The following FILIP1L variants were observed in gnomAD, a reference collection of about 807,000 sequenced individuals.
FILIP1L encodes filamin A-interacting protein 1-like.
In FILIP1L, 55 loss-of-function variants were observed where a neutral mutation model predicts 96.6. The observed-to-expected ratio is 0.57, with a 90% CI of 0.46 to 0.71. The LOEUF (loss-of-function observed/expected upper bound fraction) is 0.71. Among genes scored for constraint, FILIP1L ranks in the 30% least tolerant of loss-of-function variants. The probability of loss-of-function intolerance (pLI) is 0.00; values close to 1 mark genes in which losing one functional copy is unlikely to be tolerated. For missense variants in FILIP1L, 1,304 were observed against 1,321.2 expected, an observed-to-expected ratio of 0.99 and a Z score of 0.20; for synonymous variants, 467 against 473.9, an observed-to-expected ratio of 0.99 and a Z score of 0.19.
At chr3:100,002,065 G>C (rs1471718362) in intron 1 of FILIP1L, among the ~76,000 whole-genome samples, 1 of 152,182 alleles carries the variant, frequency 6.6e-6, no homozygotes, top group Non-Finnish European at 1.5e-5. Context: ...ACTGTTTGCA[G>C]CTCTGGAAAA....
chr3:99,926,604 A>G (rs1707300657), intron 3 of FILIP1L, among the ~76,000 whole-genome samples: 1 of 152,234 alleles, frequency 6.6e-6, no homozygotes, highest in South Asian at 2.1e-4. Flanking sequence ...ATTTGTCACA[A>G]GATTGACATT....
intron 4 of FILIP1L, among the ~76,000 whole-genome samples, chr3:99,891,722 A>G (rs1305098563): frequency 6.6e-6 from 1 of 152,162 alleles, no homozygotes; most frequent in Non-Finnish European, 1.5e-5. Flanking sequence ...AAATTAAGAA[A>G]TGGAGTTTTA....
intron 3 of FILIP1L, chr3:99,925,844 GC>G: frequency 1.0e-6 from 1 of 985,418 alleles, no homozygotes; most frequent in South Asian, 4.7e-5. Flanking sequence ...GAGTTAGACA[GC>G]CAAGCTCACT....
intron 5 of FILIP1L, among the ~76,000 whole-genome samples, chr3:99,846,154 C>T (rs546253211): frequency 1.3e-5 from 2 of 152,184 alleles, no homozygotes; most frequent in Admixed American, 6.5e-5. Context: ...CTTCCCTCCC[C>T]CCGTCCCCCA....
chr3:99,862,267 A>G (rs1944302178), intron 4 of FILIP1L, among the ~76,000 whole-genome samples: 1 of 152,224 alleles, frequency 6.6e-6, no homozygotes, highest in Admixed American at 6.5e-5. Context: ...ATTGGAAAAA[A>G]AAGTAGGACA....
intron 4 of FILIP1L, among the ~76,000 whole-genome samples, chr3:99,877,285 C>CAT (rs1705567745): frequency 6.6e-6 from 1 of 152,180 alleles, no homozygotes; most frequent in African/African-American, 2.4e-5. Context: ...TTATGATGTA[C>CAT]ATATGTCTGT....
intron 2 of FILIP1L, 24 bp downstream of exon 2, chr3:99,930,745 G>A (rs1707451054): frequency 5.0e-6 from 8 of 1,608,500 alleles, no homozygotes; most frequent in South Asian, 1.1e-5. Context: ...GAAGCATGAT[G>A]GGGATAACTC....
At chr3:99,886,071 G>A (rs1276433991) in intron 4 of FILIP1L, among the ~76,000 whole-genome samples, 1 of 152,214 alleles carries the variant, frequency 6.6e-6, no homozygotes, top group Non-Finnish European at 1.5e-5. Context: ...TCTATATCAA[G>A]GAAGGTGGAA....
chr3:99,880,586 G>A (rs939524299), intron 4 of FILIP1L, among the ~76,000 whole-genome samples: 5 of 152,154 alleles, frequency 3.3e-5, no homozygotes, highest in African/African-American at 1.2e-4. Flanking sequence ...GTGTCCATGT[G>A]ATGCTAGGGA....
At chr3:100,029,846 A>G (rs572514116) in intron 1 of FILIP1L, among the ~76,000 whole-genome samples, 134 of 152,350 alleles carry the variant, frequency 8.8e-4, no homozygotes, top group Non-Finnish European at 1.4e-3. Flanking sequence ...ATAACATTCT[A>G]GGAGATGTCA....
intron 1 of FILIP1L, among the ~76,000 whole-genome samples, chr3:100,038,231 C>G (rs746157995): frequency 2.7e-4 from 41 of 152,168 alleles, no homozygotes; most frequent in Admixed American, 1.4e-3. Flanking sequence ...GCTGTGATTA[C>G]AGGCGTGAGC....
chr3:100,017,468 A>G (rs1433366126), intron 1 of FILIP1L, among the ~76,000 whole-genome samples: 1 of 152,204 alleles, frequency 6.6e-6, no homozygotes, highest in Non-Finnish European at 1.5e-5. Flanking sequence ...TGTCCTATTT[A>G]TATACTCAGA....
intron 4 of FILIP1L, among the ~76,000 whole-genome samples, chr3:99,863,382 T>C (rs1401074212): frequency 2.0e-5 from 3 of 152,080 alleles, no homozygotes; most frequent in Admixed American, 2.0e-4. Context: ...GGCCCTGGGG[T>C]TGGGGACTCC....
chr3:99,976,332 A>T (rs1708970698), intron 1 of FILIP1L, among the ~76,000 whole-genome samples: 2 of 152,236 alleles, frequency 1.3e-5, no homozygotes, highest in Admixed American at 1.3e-4. Context: ...TAGAATTCAT[A>T]CATAAAGAAT....
At chr3:99,938,920 T>TA (rs1707775035) in intron 1 of FILIP1L, among the ~76,000 whole-genome samples, 1 of 152,158 alleles carries the variant, frequency 6.6e-6, no homozygotes, top group African/African-American at 2.4e-5. Flanking sequence ...ATCTGATGGC[T>TA]AAAAAAAGAC....
intron 1 of FILIP1L, among the ~76,000 whole-genome samples, chr3:100,045,761 G>C (rs1241865857): frequency 2.0e-5 from 3 of 152,224 alleles, no homozygotes; most frequent in Non-Finnish European, 4.4e-5. Context: ...CAGCTTTGCT[G>C]TGAATGTGGG....
intron 1 of FILIP1L, among the ~76,000 whole-genome samples, chr3:99,932,629 C>G (rs1226171881): frequency 6.6e-6 from 1 of 152,180 alleles, no homozygotes; most frequent in Non-Finnish European, 1.5e-5. Flanking sequence ...ATGGCTCACA[C>G]CTGTAATGCC....
chr3:100,106,797 C>T (rs56227134), intron 1 of FILIP1L, among the ~76,000 whole-genome samples: 2,231 of 152,220 alleles, frequency 0.015, 55 homozygotes, highest in African/African-American at 0.052. Flanking sequence ...AACCTAATGC[C>T]CTGATCCCTG....
chr3:99,841,654 A>G (rs1367494742), intron 5 of FILIP1L, among the ~76,000 whole-genome samples: 2 of 152,214 alleles, frequency 1.3e-5, no homozygotes, highest in Non-Finnish European at 2.9e-5. Flanking sequence ...GCGCAATCCC[A>G]TCATAAAAAT....
Sources: gnomAD v4.1 joint callset for allele counts (sites outside exome capture counted in the v4.1 genomes callset) on GRCh38, gnomAD v4.1.1 for gene constraint, MANE v1.5 for transcripts, NCBI Gene and HGNC (gene_info 2026-07-23, HGNC 2026-07-21) for gene names.